Variants in CRY1 observed in about 807,000 individuals in gnomAD.
The protein encoded by CRY1 is cryptochrome-1.
In CRY1, 45 loss-of-function variants were observed where a neutral mutation model predicts 76.0. That is an observed-to-expected ratio of 0.59 (90% CI 0.47 to 0.76). CRY1 has a LOEUF of 0.76. CRY1 is among the 30% of genes least tolerant of loss of function. The probability of loss-of-function intolerance (pLI) is 0.00; values close to 1 mark genes in which losing one functional copy is unlikely to be tolerated. For missense variants in CRY1, 587 were observed against 716.4 expected (o/e 0.82, Z 2.06); for synonymous variants, 248 against 244.0 (o/e 1.02, Z -0.15).
intron 1 of CRY1, among the ~76,000 whole-genome samples, chr12:107,029,606 C>CA (rs35485801): frequency 0.13 from 14,122 of 112,128 alleles, 1,300 homozygotes; most frequent in African/African-American, 0.28. Context: ...GGTCTTGCCT[C>CA]AAAAAAAAAA....
intron 5 of CRY1, 119 bp from the exon 6 acceptor site, chr12:107,000,201 T>C (rs1173842599): frequency 3.1e-6 from 3 of 964,156 alleles, no homozygotes; most frequent in Non-Finnish European, 4.4e-6. Flanking sequence ...AATCTTATCC[T>C]AGCCACAAAT....
chr12:107,001,947 T>A lies in CRY1; in HGVS notation c.412A>T (p.Ile138Phe). ...GGTTGTCCACCATTGAGTTCTATGA[T>A]CCTATAACAAGAGTTAGTAAAATGT... ...ISHTLYDLDK[I>F]IELNGGQPPL... is the part of the protein sequence containing the mutation. The change falls in exon 4 of 13, where the codon ATC becomes TTC. Residue 138 changes from isoleucine to phenylalanine, a missense_variant and splice_region_variant. Physicochemically the swap from Ile to Phe is conservative, Grantham distance 21 (BLOSUM62 0). Coordinates refer to ENST00000008527, the MANE Select transcript of CRY1 (RefSeq NM_004075.5). The A allele has an allele frequency of 6.3e-7, 1 of 1,577,328 alleles. No homozygotes were observed. Among genetic ancestry groups the A allele is most frequent in the South Asian group, 1.2e-5 (1 of 82,692 alleles).
chr12:106,997,485 T>A lies in CRY1; in HGVS notation c.1492+3A>T. ...AAAGAAACAAAGACAGTTCTTAACA[T>A]ACCTAGTCCTCTATATCGTGAAAGC... is the stretch of plus-strand genomic sequence containing the variant. On this transcript the variant is annotated splice_donor_region_variant and intron_variant, in intron 9 of 12. Transcript: ENST00000008527. 1 of 1,613,812 alleles carries A rather than the reference T, an allele frequency of 6.2e-7. No individual in the cohort carries two copies. The highest frequency in any genetic ancestry group is 8.5e-7 in the Non-Finnish European group (1 of 1,179,918).
intron 2 of CRY1, among the ~76,000 whole-genome samples, chr12:107,021,711 TAC>T (rs1393757645): frequency 4.4e-4 from 66 of 150,910 alleles, no homozygotes; most frequent in South Asian, 2.9e-3. Context: ...CATATATATA[TAC>T]ACACACACAC....
chr12:107,061,437 T>C (rs901940834), intron 1 of CRY1, among the ~76,000 whole-genome samples: 1 of 151,948 alleles, frequency 6.6e-6, no homozygotes, highest in Admixed American at 6.6e-5. Context: ...CAGAGTTCAG[T>C]GGCGTGATCT....
chr12:107,024,914 T>C (rs1952591363), intron 1 of CRY1, among the ~76,000 whole-genome samples: 1 of 152,242 alleles, frequency 6.6e-6, no homozygotes, highest in East Asian at 1.9e-4. Context: ...AAAAATAATA[T>C]AGGTATTTTG....
chr12:107,088,657 TA>T (rs1170244197), intron 1 of CRY1, among the ~76,000 whole-genome samples: 1 of 152,240 alleles, frequency 6.6e-6, no homozygotes, highest in African/African-American at 2.4e-5. Context: ...ATAAACTACC[TA>T]GTCTAAAGGT....
At chr12:107,010,812 G>C (rs553071105) in intron 2 of CRY1, among the ~76,000 whole-genome samples, 2 of 151,970 alleles carry the variant, frequency 1.3e-5, no homozygotes, top group South Asian at 4.2e-4. Context: ...CCATAAAAGA[G>C]GGTGAACTTA....
intron 2 of CRY1, 53 bp downstream of exon 2, chr12:107,022,031 T>C: frequency 1.6e-6 from 2 of 1,287,632 alleles, no homozygotes; most frequent in South Asian, 2.6e-5. Context: ...ATTTACCAAA[T>C]ATGTAATATT....
intron 2 of CRY1, among the ~76,000 whole-genome samples, chr12:107,015,788 G>C (rs757609843): frequency 6.6e-6 from 1 of 152,052 alleles, no homozygotes; most frequent in Non-Finnish European, 1.5e-5. Context: ...AGGCTAAAGT[G>C]ATCCTCCTAC....
intron 1 of CRY1, among the ~76,000 whole-genome samples, chr12:107,088,716 AT>A (rs1953433643): frequency 6.6e-6 from 1 of 152,260 alleles, no homozygotes; most frequent in Non-Finnish European, 1.5e-5. Flanking sequence ...CAATACTAAC[AT>A]TCACAAATGA....
intron 1 of CRY1, 72 bp downstream of exon 1, chr12:107,092,732 G>A: frequency 2.5e-6 from 4 of 1,579,080 alleles, no homozygotes; most frequent in Admixed American, 1.8e-5. Flanking sequence ...CAGATTTGGC[G>A]GATCGCATGG....
chr12:107,086,709 T>A (rs1373451585), intron 1 of CRY1, among the ~76,000 whole-genome samples: 1 of 152,168 alleles, frequency 6.6e-6, no homozygotes, highest in East Asian at 1.9e-4. Context: ...GAATACAAGA[T>A]CCATGGAGGT....
chr12:107,006,409 T>C (rs1952375530), intron 2 of CRY1, among the ~76,000 whole-genome samples: 1 of 151,970 alleles, frequency 6.6e-6, no homozygotes, highest in Admixed American at 6.6e-5. Context: ...AACTTTACAG[T>C]ATATATCTTT....
chr12:107,020,265 TG>T (rs1202672655), intron 2 of CRY1, among the ~76,000 whole-genome samples: 1 of 151,052 alleles, frequency 6.6e-6, no homozygotes, highest in African/African-American at 2.4e-5. Flanking sequence ...CATAAAGAGC[TG>T]TTCTCTTCTA....
chr12:107,026,100 C>CAT (rs1293097346), intron 1 of CRY1, among the ~76,000 whole-genome samples: 1 of 32,502 alleles, frequency 3.1e-5, no homozygotes, highest in East Asian at 2.8e-3. Flanking sequence ...ATATATATAA[C>CAT]ATATATATAA....
chr12:107,013,394 G>A (rs2136836026), intron 2 of CRY1, among the ~76,000 whole-genome samples: 2 of 152,288 alleles, frequency 1.3e-5, no homozygotes, highest in Middle Eastern at 6.8e-3. Flanking sequence ...TAATTAAGGT[G>A]TGTATTTTTT....
intron 1 of CRY1, among the ~76,000 whole-genome samples, chr12:107,052,490 A>G: frequency 6.6e-6 from 1 of 152,228 alleles, no homozygotes; most frequent in East Asian, 1.9e-4. Flanking sequence ...AGAGGGAGTA[A>G]AGACAGAATA....
At chr12:107,027,284 A>C (rs530374792) in intron 1 of CRY1, among the ~76,000 whole-genome samples, 1 of 152,304 alleles carries the variant, frequency 6.6e-6, no homozygotes, top group African/African-American at 2.4e-5. Context: ...GAATGAAATG[A>C]ATGATTTATT....
Sources: allele counts gnomAD v4.1 joint callset (sites outside exome capture counted in the v4.1 genomes callset), GRCh38; gene constraint gnomAD v4.1.1; transcripts MANE v1.5; gene names NCBI Gene and HGNC (gene_info 2026-07-23, HGNC 2026-07-21).